The following HSPA12A variants were observed in gnomAD, a reference collection of about 807,000 sequenced individuals.
HSPA12A encodes heat shock protein family A (Hsp70) member 12A.
HSPA12A carries 28 observed loss-of-function variants against 69.2 expected under a neutral mutation model. The observed-to-expected ratio is 0.40, with a 90% CI of 0.30 to 0.55. The LOEUF is 0.55. Ranked by LOEUF, HSPA12A falls within the 20% of genes least tolerant of loss-of-function variation. HSPA12A has a pLI of 0.38. For synonymous variants in HSPA12A, 345 were observed against 370.5 expected (o/e 0.93, Z 0.79); for missense variants, 686 against 900.7 (o/e 0.76, Z 3.05).
intron 2 of HSPA12A, among the ~76,000 whole-genome samples, chr10:116,810,458 T>C (rs1219115113): frequency 1.3e-5 from 2 of 152,180 alleles, no homozygotes; most frequent in Non-Finnish European, 2.9e-5. Context: ...CCTTTTCCTT[T>C]TGAAGGTAAA....
chr10:116,841,376 A>G (rs1845798281), intron 1 of HSPA12A, among the ~76,000 whole-genome samples: 2 of 152,220 alleles, frequency 1.3e-5, no homozygotes, highest in Admixed American at 6.5e-5. Context: ...TCTGAGAAAC[A>G]GATGCTGATC....
At chr10:116,726,671 C>G (rs1458124186) in intron 1 of HSPA12A, among the ~76,000 whole-genome samples, 1 of 152,210 alleles carries the variant, frequency 6.6e-6, no homozygotes, top group Admixed American at 6.5e-5. Flanking sequence ...TCTACCCGTC[C>G]CCAATATCCC....
chr10:116,761,718 C>G (rs550871480), intron 2 of HSPA12A, among the ~76,000 whole-genome samples: 1 of 152,036 alleles, frequency 6.6e-6, no homozygotes, highest in Admixed American at 6.5e-5. Context: ...AAAACAAAAT[C>G]CTTGATCTAA....
chr10:116,774,071 G>A (rs565651718), intron 2 of HSPA12A, among the ~76,000 whole-genome samples: 298 of 151,370 alleles, frequency 2.0e-3, no homozygotes, highest in African/African-American at 6.8e-3. Flanking sequence ...GTGCAGTGGC[G>A]GGATCTCTGC....
intron 2 of HSPA12A, among the ~76,000 whole-genome samples, chr10:116,796,536 A>G (rs1181257808): frequency 6.6e-6 from 1 of 152,040 alleles, no homozygotes; most frequent in Non-Finnish European, 1.5e-5. Flanking sequence ...TCAAACTACA[A>G]AATGCAAACT....
chr10:116,742,739 C>CGCCCGCCCAGAGCG (rs1454731732), upstream of HSPA12A, among the ~76,000 whole-genome samples: 1 of 151,690 alleles, frequency 6.6e-6, no homozygotes, highest in African/African-American at 2.4e-5. Context: ...CTGCGCTCCC[C>CGCCCGCCCAGAGCG]GCCCGCCCAG....
At chr10:116,741,519 G>A (rs1450028894) in intron 1 of HSPA12A, among the ~76,000 whole-genome samples, 3 of 152,202 alleles carry the variant, frequency 2.0e-5, no homozygotes, top group Non-Finnish European at 4.4e-5. Context: ...TCAGGGACGC[G>A]CGGCGCCTCC....
intron 5 of HSPA12A, among the ~76,000 whole-genome samples, chr10:116,696,022 A>AAAAAAAAAAAAAAAC (rs1554880844): frequency 1.3e-5 from 2 of 148,470 alleles, no homozygotes; most frequent in Non-Finnish European, 3.0e-5. Context: ...AAAAAAAAAA[A>AAAAAAAAAAAAAAAC]AGGCTTGCAG....
intron 6 of HSPA12A, 61 bp from the exon 7 acceptor site, chr10:116,684,023 A>C: frequency 7.1e-7 from 1 of 1,406,136 alleles, no homozygotes. Context: ...CTCCTAGGAC[A>C]CCCGTGCCTG....
At chr10:116,681,351 C>T (rs1554878592) in intron 8 of HSPA12A, 95 bp from the exon 9 acceptor site, 1 of 916,464 alleles carries the variant, frequency 1.1e-6, no homozygotes, top group African/African-American at 1.6e-5. Flanking sequence ...AGCTAAGTGC[C>T]CTCAAAACTT....
intron 2 of HSPA12A, among the ~76,000 whole-genome samples, chr10:116,784,797 G>A (rs946331581): frequency 6.6e-6 from 1 of 152,134 alleles, no homozygotes; most frequent in Non-Finnish European, 1.5e-5. Flanking sequence ...GGACTAGATG[G>A]GATAAATAGA....
intron 9 of HSPA12A, among the ~76,000 whole-genome samples, chr10:116,679,973 C>T (rs933735321): frequency 2.0e-5 from 3 of 152,086 alleles, no homozygotes; most frequent in Non-Finnish European, 4.4e-5. Flanking sequence ...ACAATCTTTA[C>T]TTTATTATTT....
At chr10:116,726,027 G>GCGCGCACA (rs140160132) in intron 1 of HSPA12A, among the ~76,000 whole-genome samples, 3,069 of 146,096 alleles carry the variant, frequency 0.021, 75 homozygotes, top group African/African-American at 0.063. Flanking sequence ...ACACACACAC[G>GCGCGCACA]CACACACACA....
chr10:116,715,044 A>G (rs1362539009), intron 1 of HSPA12A, among the ~76,000 whole-genome samples: 1 of 152,226 alleles, frequency 6.6e-6, no homozygotes, highest in Admixed American at 6.5e-5. Context: ...AAACTCGACA[A>G]GAGAGACAGG....
rs565707792 is a variant in HSPA12A, at chr10:116,768,939, G to C, written c.92-61654C>G. Among the ~76,000 whole-genome samples, 5 of 152,252 alleles carry C rather than the reference G, an allele frequency of 3.3e-5. No homozygotes were observed. In the East Asian group the frequency reaches 5.8e-4, roughly 18 times the overall value. ...CTCTGCTTCCTGGGACTGCCCTGCT[G>C]TGTGTCACCCTCTGCTTCCTGTGAG... On this transcript the variant is annotated intron_variant, in intron 2 of 12. Coordinates refer to the HSPA12A transcript ENST00000635765.
chr10:116,835,659 T>C (rs1341042893), intron 1 of HSPA12A, among the ~76,000 whole-genome samples: 2 of 152,222 alleles, frequency 1.3e-5, no homozygotes, highest in Non-Finnish European at 2.9e-5. Flanking sequence ...GCATATCTTG[T>C]TCACCTGTGG....
In HSPA12A at chr10:116,753,624, T is replaced by C. The variant is rs183750509; in HGVS notation, c.92-46339A>G. Reference sequence around the variant, plus strand: ...ATCTTAGTTACTGTAAGCCTTATTTTCCTCATCTGTGAATGGGAATAATTA... The same window carrying C: ...ATCTTAGTTACTGTAAGCCTTATTTCCCTCATCTGTGAATGGGAATAATTA... On this transcript the variant is annotated intron_variant, in intron 2 of 12. Transcript: ENST00000635765. 5.1e-4 allele frequency among the ~76,000 whole-genome samples: 77 copies of C among 152,276 alleles called. 1 individual carries two copies. Among genetic ancestry groups the C allele is most frequent in the African/African-American group, 1.8e-3 (76 of 41,570 alleles).
chr10:116,813,107 C>G (rs1002603285), intron 2 of HSPA12A, among the ~76,000 whole-genome samples: 2 of 152,098 alleles, frequency 1.3e-5, no homozygotes, highest in Non-Finnish European at 2.9e-5. Context: ...GATGAACTCT[C>G]TGGGTTCGAG....
At chr10:116,769,219 T>C (rs576705728) in intron 2 of HSPA12A, among the ~76,000 whole-genome samples, 2 of 152,308 alleles carry the variant, frequency 1.3e-5, no homozygotes, top group South Asian at 4.1e-4. Flanking sequence ...TTGGACTCTA[T>C]GCTGGACCTA....
Sources: allele counts gnomAD v4.1 joint callset (sites outside exome capture counted in the v4.1 genomes callset), GRCh38; gene constraint gnomAD v4.1.1; transcripts MANE v1.5; gene names NCBI Gene and HGNC (gene_info 2026-07-23, HGNC 2026-07-21).